Variants in MAD1L1 observed in about 807,000 individuals in gnomAD.
The protein encoded by MAD1L1 is mitotic spindle assembly checkpoint protein MAD1.
A neutral mutation model predicts 96.9 loss-of-function variants in MAD1L1; 95 were observed. The observed-to-expected ratio is 0.98, with a 90% CI of 0.83 to 1.16. The LOEUF (loss-of-function observed/expected upper bound fraction) is 1.16. MAD1L1 is among the 50% of genes most tolerant of loss of function. The pLI is 0.00. For missense variants in MAD1L1, 1,007 were observed against 954.4 expected (o/e 1.06, Z -0.73); for synonymous variants, 473 against 396.6 (o/e 1.19, Z -2.29).
intron 17 of MAD1L1, among the ~76,000 whole-genome samples, chr7:1,911,107 G>A (rs1420517196): frequency 6.6e-6 from 1 of 152,016 alleles, no homozygotes; most frequent in Admixed American, 6.6e-5. Context: ...CACAGTTCCC[G>A]CTCCTGGGCG....
In MAD1L1 at chr7:2,119,306, T is replaced by C. The variant is rs1787863317; in HGVS notation, c.1073+29846A>G. On this transcript the variant is annotated intron_variant, in intron 11 of 18. Transcript: ENST00000265854. This position sits in a 1 kb window ranked among gnomAD's most constrained non-coding sequence, Gnocchi z 4.6. ...ACAGACATGAGAAGCTCCCAGGCCA[T>C]GGCTCTCCGCAGCGCCTTCCCTATC... is the stretch of plus-strand genomic sequence containing the variant. 1.3e-5 allele frequency among the ~76,000 whole-genome samples: 2 copies of C among 152,192 alleles called. No individual in the cohort carries two copies. Among genetic ancestry groups the C allele is most frequent in the Admixed American group, 6.5e-5 (1 of 15,272 alleles).
intron 11 of MAD1L1, among the ~76,000 whole-genome samples, chr7:2,104,369 C>G (rs552807987): frequency 3.9e-5 from 6 of 152,212 alleles, no homozygotes; most frequent in Admixed American, 6.5e-5. Context: ...AGAGCCGTCA[C>G]GGCGGCGCAA....
At chr7:2,043,796 C>G (rs943313678) in intron 12 of MAD1L1, among the ~76,000 whole-genome samples, 10 of 152,258 alleles carry the variant, frequency 6.6e-5, no homozygotes, top group African/African-American at 1.9e-4. Flanking sequence ...TGCCCATTCT[C>G]TCCTCCCAAC....
intron 7 of MAD1L1, among the ~76,000 whole-genome samples, chr7:2,217,356 G>A (rs967312819): frequency 6.6e-6 from 1 of 152,220 alleles, no homozygotes; most frequent in African/African-American, 2.4e-5. Context: ...TGAGGGCTGC[G>A]AGGGGCCAGG....
At chr7:2,112,481 C>G (rs1021249068) in intron 11 of MAD1L1, among the ~76,000 whole-genome samples, 1 of 152,212 alleles carries the variant, frequency 6.6e-6, no homozygotes, top group Admixed American at 6.5e-5. Context: ...ACGGCCTGTC[C>G]ACAGACACTG....
intron 13 of MAD1L1, among the ~76,000 whole-genome samples, chr7:2,010,322 G>A (rs1584070259): frequency 1.3e-5 from 2 of 152,222 alleles, no homozygotes; most frequent in African/African-American, 2.4e-5. Context: ...CGGAAACACC[G>A]TGACGGCCAC....
At chr7:1,850,767 A>C (rs1783926592) in intron 18 of MAD1L1, among the ~76,000 whole-genome samples, 1 of 152,194 alleles carries the variant, frequency 6.6e-6, no homozygotes, top group African/African-American at 2.4e-5. Flanking sequence ...CACTGGTGAC[A>C]GCAGTGATTG....
At chr7:2,125,650 G>C (rs1438322599) in intron 11 of MAD1L1, among the ~76,000 whole-genome samples, 1 of 152,166 alleles carries the variant, frequency 6.6e-6, no homozygotes, top group East Asian at 1.9e-4. Context: ...ACTCCAAACA[G>C]GGCAGTGAGC....
Position 2,123,743 on chromosome 7 carries a change from G to A in MAD1L1, c.1073+25409C>T, listed in dbSNP as rs113591792. ...GCGGCGCTGAATCGATAGATCCTCC[G>A]GCGGCGTGGTGCTGCAGGTGAGGAA... On this transcript the variant is annotated intron_variant, in intron 11 of 18. Transcript: ENST00000265854. Among the ~76,000 whole-genome samples the A allele has an allele frequency of 7.9e-5, 12 of 152,310 alleles. 1 individual carries two copies. The South Asian group carries it at 1.2e-3, about 16-fold the overall frequency.
intron 11 of MAD1L1, among the ~76,000 whole-genome samples, chr7:2,129,020 C>T (rs1440358850): frequency 6.6e-6 from 1 of 152,344 alleles, no homozygotes; most frequent in Admixed American, 6.5e-5. Context: ...CGCTGACCAA[C>T]TGGGCAGAGT....
At chr7:1,926,600 T>TC (rs1446997314) in intron 17 of MAD1L1, among the ~76,000 whole-genome samples, 3 of 152,158 alleles carry the variant, frequency 2.0e-5, no homozygotes. Flanking sequence ...TGACACACTG[T>TC]CAATCACACT....
At chr7:2,223,104 A>G (rs1277582477) in intron 4 of MAD1L1, among the ~76,000 whole-genome samples, 1 of 152,202 alleles carries the variant, frequency 6.6e-6, no homozygotes, top group Non-Finnish European at 1.5e-5. Context: ...GGAGAAGCTG[A>G]GCTTTCATAG....
chr7:2,001,191 G>A (rs911684174), intron 14 of MAD1L1, among the ~76,000 whole-genome samples: 1 of 152,242 alleles, frequency 6.6e-6, no homozygotes, highest in African/African-American at 2.4e-5. Context: ...CTCGACCTGG[G>A]CTGCAGGCCC....
In MAD1L1 at chr7:1,921,483, G is replaced by A. The variant is rs1020692136; in HGVS notation, c.1807+15204C>T. On this transcript the variant is annotated intron_variant, in intron 17 of 18. Coordinates refer to ENST00000265854, the MANE Select transcript of MAD1L1 (RefSeq NM_001013836.2). ...GGGACTACAGACACCCTCCCGCCAC[G>A]CCTGGCGTTTTGTGTTTTTAGTAGA... Among the ~76,000 whole-genome samples the A allele has an allele frequency of 7.9e-5, 12 of 152,098 alleles. 3 individuals are homozygous for A.
intron 11 of MAD1L1, among the ~76,000 whole-genome samples, chr7:2,076,691 G>A (rs1282340894): frequency 1.3e-5 from 2 of 151,578 alleles, no homozygotes; most frequent in African/African-American, 2.4e-5. Context: ...ACACAGGTAT[G>A]ACACAGCGAG....
At chr7:2,112,481 C>T (rs1021249068) in intron 11 of MAD1L1, among the ~76,000 whole-genome samples, 2 of 152,212 alleles carry the variant, frequency 1.3e-5, no homozygotes, top group African/African-American at 4.8e-5. Flanking sequence ...ACGGCCTGTC[C>T]ACAGACACTG....
chr7:2,205,159 G>C (rs1012744245), intron 10 of MAD1L1, among the ~76,000 whole-genome samples: 3 of 127,664 alleles, frequency 2.3e-5, no homozygotes, highest in Non-Finnish European at 3.1e-5. Context: ...GTAGTTTATA[G>C]TTAAACTTCA....
At chr7:1,851,360 G>A (rs1301607322) in intron 18 of MAD1L1, among the ~76,000 whole-genome samples, 1 of 152,220 alleles carries the variant, frequency 6.6e-6, no homozygotes, top group Non-Finnish European at 1.5e-5. Context: ...GTTCGTCCTG[G>A]AGATGGGACT....
intron 18 of MAD1L1, among the ~76,000 whole-genome samples, chr7:1,869,986 TCCCCTG>T (rs775930603): frequency 4.6e-5 from 7 of 152,110 alleles, no homozygotes; most frequent in Non-Finnish European, 7.4e-5. Context: ...CGCCCGTGCC[TCCCCTG>T]CCCCTGCCGT....
Sources: gnomAD v4.1 joint callset for allele counts (sites outside exome capture counted in the v4.1 genomes callset) on GRCh38, gnomAD v4.1.1 for gene constraint, Gnocchi (gnomAD v3.1) non-coding constraint, MANE v1.5 for transcripts, NCBI Gene and HGNC (gene_info 2026-07-23, HGNC 2026-07-21) for gene names.